CARF: variants seen among roughly 807,000 people sequenced by gnomAD.
The protein encoded by CARF is calcium-responsive transcription factor.
In CARF, 57 loss-of-function variants were observed where a neutral mutation model predicts 82.0. The ratio of observed to expected loss-of-function variants is 0.70; its 90% confidence interval spans 0.56 to 0.87. The LOEUF (loss-of-function observed/expected upper bound fraction) is 0.87, where lower values mean the gene tolerates loss of function less well. CARF is among the 40% of genes least tolerant of loss of function. The pLI, the probability that CARF is intolerant of heterozygous loss-of-function variation, is 0.00. For missense variants in CARF, 771 were observed against 855.8 expected, an observed-to-expected ratio of 0.90 and a Z score of 1.24; for synonymous variants, 268 against 290.1, an observed-to-expected ratio of 0.92 and a Z score of 0.77.
chr2:202,983,947 T>C lies in CARF; in HGVS notation c.*323T>C, dbSNP rs1433073865. Reference sequence around the variant, plus strand: ...TTAACTTATCCTTGGAAATATTCAATTTTGGTTATTACAAAACAGAAAAGA... The same window carrying C: ...TTAACTTATCCTTGGAAATATTCAACTTTGGTTATTACAAAACAGAAAAGA... On this transcript the variant is annotated 3_prime_UTR_variant, in exon 17 of 17. Coordinates refer to ENST00000438828, the MANE Select transcript of CARF (RefSeq NM_024744.17). The C allele has an allele frequency of 5.1e-6, 1 of 194,648 alleles. No homozygotes were observed. Among genetic ancestry groups the C allele is most frequent in the East Asian group, 1.4e-4 (1 of 6,926 alleles). The allele number at this position is 194,648 out of a possible 1,614,324, so 12.1% of individuals were successfully genotyped here. A position where few individuals can be genotyped will look rare whatever the true frequency, so the allele number is the denominator to read the frequency against.
chr2:202,971,713 G>A lies in CARF; in HGVS notation c.1306G>A (p.Val436Met). The change falls in exon 12 of 17, where the codon GTG (valine) becomes ATG (methionine). Residue 436 changes from valine to methionine, a missense_variant. By Grantham distance (21) the Val-to-Met change is conservative (BLOSUM62 1). Transcript: ENST00000438828. ...ATTAGTATCACAGGGAATAGAACAAGTGTATGCAGTAAGGAAACAGCTAAG... is the reference window on the plus strand; with the variant it reads ...ATTAGTATCACAGGGAATAGAACAAATGTATGCAGTAAGGAAACAGCTAAG... ...QELVSQGIEQ[V>M]YAVRKQLRKF... 1 of 1,612,752 alleles carries A rather than the reference G, an allele frequency of 6.2e-7. No individual in the cohort carries two copies. The highest frequency in any genetic ancestry group is 1.3e-5 in the African/African-American group (1 of 75,022).
rs942994867 is a variant in CARF, at chr2:202,942,519, G to A, written c.79-221G>A. 34 of 806,642 alleles carry A rather than the reference G, an allele frequency of 4.2e-5. No homozygotes were observed. In the Admixed American group the frequency reaches 7.5e-4, roughly 18 times the overall value. 50.0% of individuals were successfully genotyped at this position (806,642 alleles called of 1,614,324 possible). ...TATAGGTTGAATTATGTTATTTCAG[G>A]TTCCATTCCTGTGGACAATTTTGGT... On this transcript the variant is annotated intron_variant, in intron 4 of 16. Transcript: ENST00000438828.
rs1253764375 is a variant in CARF at position 202,982,067 on chromosome 2, A to G, written c.1690-5A>G. 1.9e-6 allele frequency: 3 copies of G among 1,608,374 alleles called. No individual in the cohort carries two copies. Among genetic ancestry groups the G allele is most frequent in the Non-Finnish European group, 2.5e-6 (3 of 1,178,536 alleles). On this transcript the variant is annotated splice_region_variant and splice_polypyrimidine_tract_variant and intron_variant, in intron 15 of 16. Transcript: ENST00000438828. ...CATTTTGATGTACTCTTTTTGGTTT[A>G]AAAGGGTTTGCAGTTACAACCAAGG...
At chr2:202,913,809 T>C (rs1689102057) in intron 1 of CARF, among the ~76,000 whole-genome samples, 1 of 152,260 alleles carries the variant, frequency 6.6e-6, no homozygotes, top group Non-Finnish European at 1.5e-5. Context: ...ATTTGAAATT[T>C]ATCAAAATGA....
chr2:202,922,801 A>G (rs1410916780), intron 2 of CARF, among the ~76,000 whole-genome samples: 1 of 151,806 alleles, frequency 6.6e-6, no homozygotes, highest in East Asian at 1.9e-4. Context: ...ACAGAGTGAG[A>G]CTCTGTCTCA....
intron 5 of CARF, among the ~76,000 whole-genome samples, chr2:202,944,867 C>T (rs572325526): frequency 1.9e-4 from 29 of 151,538 alleles, no homozygotes; most frequent in African/African-American, 6.0e-4. Context: ...GGTACCTTTC[C>T]GAGCAAAATT....
intron 5 of CARF, among the ~76,000 whole-genome samples, chr2:202,943,175 G>A (rs1403937859): frequency 5.3e-5 from 8 of 152,000 alleles, no homozygotes; most frequent in African/African-American, 1.7e-4. Context: ...GAGTTCAAGC[G>A]ATTCTCCTGC....
intron 6 of CARF, among the ~76,000 whole-genome samples, chr2:202,952,888 A>G (rs1341162254): frequency 6.6e-6 from 1 of 152,200 alleles, no homozygotes; most frequent in East Asian, 1.9e-4. Context: ...TAAGAATTCT[A>G]TGAAGCTGAT....
At chr2:202,955,014 GA>G (rs778781065) in intron 7 of CARF, among the ~76,000 whole-genome samples, 181 of 137,324 alleles carry the variant, frequency 1.3e-3, no homozygotes, top group East Asian at 2.9e-3. Context: ...ACGCTGTCTC[GA>G]AAAAAAAAAA....
chr2:202,945,768 A>T (rs1251191365), intron 5 of CARF, among the ~76,000 whole-genome samples: 1 of 152,198 alleles, frequency 6.6e-6, no homozygotes, highest in Non-Finnish European at 1.5e-5. Flanking sequence ...GCATTAATGA[A>T]CATTCATGTG....
At position 202,942,847 on chromosome 2, in the gene CARF, T is replaced by C. The variant is rs1451070876; in HGVS notation, c.186T>C (p.Asn62=). Residue 62 remains asparagine (N), a synonymous_variant, in exon 5 of 17, where the codon AAT becomes AAC. Coordinates refer to ENST00000438828, the MANE Select transcript of CARF (RefSeq NM_024744.17). ...CAAATAATTCACTCATATCACAGAA[T>C]ATACCAGGGCCCCTGACTCAGACAC... is the stretch of plus-strand genomic sequence containing the variant. ...REANNSLISQ[N]IPGPLTQTQT... The C allele has an allele frequency of 6.2e-7, 1 of 1,614,068 alleles. No individual in the cohort carries two copies. Among genetic ancestry groups the C allele is most frequent in the East Asian group, 2.2e-5 (1 of 44,872 alleles).
intron 8 of CARF, among the ~76,000 whole-genome samples, chr2:202,956,596 T>G (rs2059055740): frequency 1.3e-5 from 2 of 151,978 alleles, no homozygotes; most frequent in Non-Finnish European, 2.9e-5. Context: ...TCTGGCTACT[T>G]GCTTGAAGGT....
chr2:202,958,903 C>CAAAAA (rs36028794), intron 8 of CARF, among the ~76,000 whole-genome samples: 1 of 88,980 alleles, frequency 1.1e-5, no homozygotes, highest in Non-Finnish European at 2.2e-5. Flanking sequence ...GACTCCGTCT[C>CAAAAA]AAAAAAAAAA....
chr2:202,953,498 G>GTTTTTTTTTTTTTTGTTT (rs2058859961), intron 6 of CARF, among the ~76,000 whole-genome samples: 1 of 70,294 alleles, frequency 1.4e-5, no homozygotes, highest in Non-Finnish European at 2.5e-5. Flanking sequence ...TTTTTTTGTT[G>GTTTTTTTTTTTTTTGTTT]TTTTTTTTTT....
At chr2:202,956,799 A>G (rs1315351119) in intron 8 of CARF, among the ~76,000 whole-genome samples, 1 of 150,348 alleles carries the variant, frequency 6.7e-6, no homozygotes, top group African/African-American at 2.4e-5. Context: ...TTTCTTTTTT[A>G]TTTTTTTGAG....
intron 3 of CARF, among the ~76,000 whole-genome samples, chr2:202,937,010 C>T (rs1052023006): frequency 6.6e-6 from 1 of 152,106 alleles, no homozygotes; most frequent in Non-Finnish European, 1.5e-5. Context: ...CATTCGTTTT[C>T]ATGTGGATAT....
At position 202,955,943 on chromosome 2, in the gene CARF, T is replaced by TTA. The variant is rs776954481; in HGVS notation, c.642+193_642+194dup. ...ATTCTAAGCTCTGTTAAAGCAGAGG[T>TTA]TATATATATCTCTTTACATTTCACT... On this transcript the variant is annotated intron_variant, in intron 8 of 16. Transcript: ENST00000438828. 2.6e-5 allele frequency among the ~76,000 whole-genome samples: 4 copies of TTA among 152,318 alleles called. No individual in the cohort carries two copies. The Middle Eastern group carries it at 0.01, about 389-fold the overall frequency.
rs1177498124 is a variant in CARF, at chr2:202,942,884, G to A, written c.223G>A (p.Ala75Thr). 6.2e-7 allele frequency: 1 copy of A among 1,613,996 alleles called. No individual in the cohort carries two copies. The highest frequency in any genetic ancestry group is 8.5e-7 in the Non-Finnish European group (1 of 1,180,032). The change falls in exon 5 of 17, where the codon GCA becomes ACA. Residue 75 changes from alanine (A) to threonine (T), a missense_variant. By Grantham distance (58) the Ala-to-Thr change is moderately conservative (BLOSUM62 0). Transcript: ENST00000438828. The part of the protein sequence containing the change: ...GPLTQTQTLS[A>T]EQFHLVDQNG... ...CCTGACTCAGACACAGACTCTTTCTGCAGAGCAATTCCATCTAGTGGACCA... is the reference window on the plus strand; with the variant it reads ...CCTGACTCAGACACAGACTCTTTCTACAGAGCAATTCCATCTAGTGGACCA...
At chr2:202,935,750 C>T (rs942994245) in intron 3 of CARF, among the ~76,000 whole-genome samples, 34 of 152,208 alleles carry the variant, frequency 2.2e-4, no homozygotes, top group African/African-American at 7.9e-4. Flanking sequence ...TTAAACAAAT[C>T]CTGGACATTC....
Sources: gnomAD v4.1 joint callset for allele counts (sites outside exome capture counted in the v4.1 genomes callset) on GRCh38, gnomAD v4.1.1 for gene constraint, MANE v1.5 for transcripts, NCBI Gene and HGNC (gene_info 2026-07-23, HGNC 2026-07-21) for gene names.